ITPR2: variants seen among roughly 807,000 people sequenced by gnomAD.
The protein encoded by ITPR2 is inositol 1,4,5-trisphosphate receptor type 2.
A neutral mutation model predicts 317.1 loss-of-function variants in ITPR2; 207 were observed. The observed-to-expected ratio is 0.65, with a 90% CI of 0.58 to 0.73. The LOEUF (loss-of-function observed/expected upper bound fraction) is 0.73. Among genes scored for constraint, ITPR2 ranks in the 30% least tolerant of loss-of-function variants. ITPR2 has a pLI of 0.00. For synonymous variants in ITPR2, 1,156 were observed against 1,149.1 expected (o/e 1.01, Z -0.12); for missense variants, 2,613 against 3,284.0 (o/e 0.80, Z 4.99).
chr12:26,538,548 C>T (rs1944165389), intron 37 of ITPR2, among the ~76,000 whole-genome samples: 1 of 151,994 alleles, frequency 6.6e-6, no homozygotes, highest in Middle Eastern at 3.2e-3. Context: ...CTGCCATTTA[C>T]AAAGCCTGTG....
chr12:26,618,938 T>C (rs1036285393), intron 26 of ITPR2, among the ~76,000 whole-genome samples: 15 of 152,208 alleles, frequency 9.9e-5, no homozygotes, highest in African/African-American at 3.6e-4. Context: ...AGACACATGG[T>C]AAAACTACTA....
intron 37 of ITPR2, among the ~76,000 whole-genome samples, chr12:26,522,256 C>T (rs895694859): frequency 2.0e-5 from 3 of 152,172 alleles, no homozygotes; most frequent in African/African-American, 7.2e-5. Flanking sequence ...TGTTTATACA[C>T]ACACACACAT....
chr12:26,641,869 T>C (rs763707821), intron 21 of ITPR2, among the ~76,000 whole-genome samples: 18 of 152,214 alleles, frequency 1.2e-4, no homozygotes, highest in Non-Finnish European at 2.4e-4. Flanking sequence ...TTAGGCACCG[T>C]TGACAACTAA....
At chr12:26,613,880 A>T (rs1053745883) in intron 26 of ITPR2, among the ~76,000 whole-genome samples, 2 of 152,198 alleles carry the variant, frequency 1.3e-5, no homozygotes, top group Admixed American at 6.5e-5. Flanking sequence ...GCCAAAAGGT[A>T]TGTTCAATAT....
At chr12:26,518,280 G>A (rs1645912477) in intron 37 of ITPR2, among the ~76,000 whole-genome samples, 1 of 152,076 alleles carries the variant, frequency 6.6e-6, no homozygotes, top group Non-Finnish European at 1.5e-5. Context: ...AGAAAACCAA[G>A]TACCCCATGT....
At chr12:26,683,155 G>A (rs1329373268) in intron 11 of ITPR2, among the ~76,000 whole-genome samples, 1 of 152,186 alleles carries the variant, frequency 6.6e-6, no homozygotes, top group Non-Finnish European at 1.5e-5. Context: ...CTCATTATTT[G>A]TGGCTTCTGT....
intron 37 of ITPR2, among the ~76,000 whole-genome samples, chr12:26,544,597 G>A (rs1176827312): frequency 2.7e-5 from 2 of 74,660 alleles, no homozygotes; most frequent in African/African-American, 6.1e-5. Context: ...AACACACAGA[G>A]ACACACAGAC....
chr12:26,422,501 A>C (rs2136692184), intron 49 of ITPR2, among the ~76,000 whole-genome samples: 1 of 152,126 alleles, frequency 6.6e-6, no homozygotes, highest in East Asian at 1.9e-4. Flanking sequence ...TATGCTACTA[A>C]TTTCTTGCTT....
At chr12:26,751,557 C>CA (rs1393493034) in intron 2 of ITPR2, among the ~76,000 whole-genome samples, 4 of 152,014 alleles carry the variant, frequency 2.6e-5, no homozygotes, top group East Asian at 1.9e-4. Flanking sequence ...CTTGAAATAT[C>CA]AAAAAATCAT....
chr12:26,738,444 G>A (rs2137076822), intron 2 of ITPR2, among the ~76,000 whole-genome samples: 1 of 152,192 alleles, frequency 6.6e-6, no homozygotes, highest in South Asian at 2.1e-4. Flanking sequence ...CAGGCCATGG[G>A]AAATGAAAGC....
At chr12:26,455,226 C>A (rs185503743) in intron 45 of ITPR2, among the ~76,000 whole-genome samples, 2 of 151,108 alleles carry the variant, frequency 1.3e-5, no homozygotes, top group East Asian at 3.9e-4. Context: ...GAACTTTAAG[C>A]TCGATTGCTT....
chr12:26,480,012 T>A (rs1383228787), intron 43 of ITPR2, among the ~76,000 whole-genome samples: 2 of 152,202 alleles, frequency 1.3e-5, no homozygotes, highest in Non-Finnish European at 2.9e-5. Context: ...AACCTAAATT[T>A]AGAAACAGGA....
At chr12:26,832,637 T>C in intron 1 of ITPR2, 53 bp downstream of exon 1, 1 of 1,382,074 alleles carries the variant, frequency 7.2e-7, no homozygotes, top group Non-Finnish European at 1.0e-6. Flanking sequence ...GGACAGGGAC[T>C]GGTTCCCAGG....
At chr12:26,629,039 AG>A (rs1946687373) in intron 22 of ITPR2, among the ~76,000 whole-genome samples, 3 of 152,286 alleles carry the variant, frequency 2.0e-5, no homozygotes, top group South Asian at 4.2e-4. Context: ...CATTCTCAAA[AG>A]TGTCGTATTT....
chr12:26,471,544 G>C (rs1052430368), intron 45 of ITPR2, among the ~76,000 whole-genome samples: 2 of 152,124 alleles, frequency 1.3e-5, no homozygotes, highest in Admixed American at 1.3e-4. Flanking sequence ...GTTTTATGTA[G>C]ATCAGACAAG....
intron 23 of ITPR2, chr12:26,627,274 T>G (rs1946642371): frequency 6.6e-6 from 1 of 152,226 alleles, no homozygotes; most frequent in African/African-American, 2.4e-5. Context: ...TAACTACATT[T>G]CGCACTGCTC....
intron 2 of ITPR2, among the ~76,000 whole-genome samples, chr12:26,777,036 G>A (rs1302365938): frequency 6.6e-6 from 1 of 152,210 alleles, no homozygotes; most frequent in African/African-American, 2.4e-5. Context: ...GGAACACAGA[G>A]TTGGATCAGG....
intron 45 of ITPR2, among the ~76,000 whole-genome samples, chr12:26,472,194 A>G (rs1231357481): frequency 3.3e-5 from 5 of 152,212 alleles, no homozygotes; most frequent in Non-Finnish European, 7.3e-5. Flanking sequence ...TAAGCGGACA[A>G]TTGCTTAACT....
At chr12:26,812,573 C>T (rs545458277) in intron 1 of ITPR2, among the ~76,000 whole-genome samples, 193 of 151,858 alleles carry the variant, frequency 1.3e-3, no homozygotes, top group Non-Finnish European at 2.1e-3. Context: ...AGCGAGACTC[C>T]GTCTCAAAAA....
Sources: allele counts gnomAD v4.1 joint callset (sites outside exome capture counted in the v4.1 genomes callset), GRCh38; gene constraint gnomAD v4.1.1; transcripts MANE v1.5; gene names NCBI Gene and HGNC (gene_info 2026-07-23, HGNC 2026-07-21).